Variants in RPTOR observed in about 807,000 individuals in gnomAD.
RPTOR encodes the protein regulatory associated protein of MTOR complex 1.
In RPTOR, 21 loss-of-function variants were observed where a neutral mutation model predicts 169.9. The ratio of observed to expected loss-of-function variants is 0.12; its 90% CI spans 0.09 to 0.18. The LOEUF (loss-of-function observed/expected upper bound fraction) is 0.18. Ranked by LOEUF, RPTOR falls within the 10% of genes least tolerant of loss-of-function variation. The pLI, the probability that RPTOR is intolerant of heterozygous loss-of-function variation, is 1.00. For missense variants in RPTOR, 1,133 were observed against 1,855.9 expected (o/e 0.61, Z 7.16); for synonymous variants, 732 against 753.2 (o/e 0.97, Z 0.46).
At chr17:80,781,353 C>T (rs1027481286) in intron 6 of RPTOR, among the ~76,000 whole-genome samples, 2 of 152,200 alleles carry the variant, frequency 1.3e-5, no homozygotes, top group African/African-American at 4.8e-5. Flanking sequence ...AGGGTCAGCT[C>T]GTGGCTGCCA....
chr17:80,964,358 G>A lies in RPTOR; in HGVS notation c.*28G>A, dbSNP rs766540360. The stretch of plus-strand genomic sequence containing the variant: ...GCGTGACCCGGGCCCACCAGGCCAC[G>A]GCCGCCTGCTGTACATAGTGAAGCT... On this transcript the variant is annotated 3_prime_UTR_variant, in exon 34 of 34. Transcript: ENST00000306801. 2.4e-5 allele frequency: 39 copies of A among 1,600,718 alleles called. No individual in the cohort carries two copies. The highest frequency in any genetic ancestry group is 1.3e-4 in the African/African-American group (10 of 74,882).
intron 3 of RPTOR, among the ~76,000 whole-genome samples, chr17:80,683,344 A>G (rs1434955413): frequency 1.3e-5 from 2 of 152,312 alleles, no homozygotes; most frequent in East Asian, 1.9e-4. Context: ...AGGGCTGCAG[A>G]AGTGATACTG....
intron 3 of RPTOR, among the ~76,000 whole-genome samples, chr17:80,689,741 CAT>C (rs2065975430): frequency 6.6e-6 from 1 of 152,156 alleles, no homozygotes; most frequent in East Asian, 1.9e-4. Context: ...GCGTATGAAA[CAT>C]ATTTTTCTTT....
intron 5 of RPTOR, among the ~76,000 whole-genome samples, chr17:80,748,531 C>T (rs1330543406): frequency 6.2e-5 from 7 of 112,526 alleles, no homozygotes; most frequent in Admixed American, 1.7e-4. Flanking sequence ...GTTTAGAGGC[C>T]ATGGCGGGAG....
At chr17:80,641,453 C>G (rs2065553330) in intron 2 of RPTOR, among the ~76,000 whole-genome samples, 1 of 152,192 alleles carries the variant, frequency 6.6e-6, no homozygotes, top group South Asian at 2.1e-4. Flanking sequence ...TTATTAACGT[C>G]ATGATTTTTA....
At chr17:80,712,362 ATCT>A (rs1251429482) in intron 4 of RPTOR, among the ~76,000 whole-genome samples, 2 of 151,906 alleles carry the variant, frequency 1.3e-5, no homozygotes, top group East Asian at 3.9e-4. Flanking sequence ...GCGCCCCCTC[ATCT>A]TCTCTCCCCT....
At chr17:80,588,631 T>A (rs2065081428) in intron 1 of RPTOR, among the ~76,000 whole-genome samples, 1 of 152,236 alleles carries the variant, frequency 6.6e-6, no homozygotes, top group African/African-American at 2.4e-5. Flanking sequence ...AAGTTCTGTT[T>A]TTCATTTTCA....
chr17:80,771,680 G>A (rs1380380769), intron 6 of RPTOR, among the ~76,000 whole-genome samples: 14 of 150,052 alleles, frequency 9.3e-5, no homozygotes. Flanking sequence ...AGGAAACCCT[G>A]CTGCCTCCAT....
At chr17:80,642,398 G>A (rs953220226) in intron 2 of RPTOR, among the ~76,000 whole-genome samples, 3 of 151,020 alleles carry the variant, frequency 2.0e-5, no homozygotes, top group African/African-American at 4.9e-5. Flanking sequence ...CTAGGATTAC[G>A]GTGGTGAGCC....
intron 3 of RPTOR, among the ~76,000 whole-genome samples, chr17:80,678,001 A>G (rs1598213978): frequency 6.6e-6 from 1 of 152,324 alleles, no homozygotes; most frequent in South Asian, 2.1e-4. Flanking sequence ...CTCCAGAATA[A>G]TGTAGAAGAA....
chr17:80,743,851 G>GCA (rs2066519724), intron 5 of RPTOR, among the ~76,000 whole-genome samples: 2 of 120,364 alleles, frequency 1.7e-5, no homozygotes, highest in African/African-American at 6.7e-5. Context: ...CTGGTTACTA[G>GCA]CAGAGCCCTG....
At position 80,562,849 on chromosome 17, in the gene RPTOR, T is replaced by C. The variant is rs1006886323; in HGVS notation, c.162+17058T>C. 1.3e-5 allele frequency among the ~76,000 whole-genome samples: 2 copies of C among 152,244 alleles called. No individual in the cohort carries two copies. Among genetic ancestry groups the C allele is most frequent in the Non-Finnish European group, 2.9e-5 (2 of 68,046 alleles). ...TAAAGATATATCAAAACAAAAGTAC[T>C]GTGAAAAAGTTAAATCAGATTTTTC... On this transcript the variant is annotated intron_variant, in intron 1 of 33. Transcript: ENST00000306801. This position sits in a 1 kb window ranked among gnomAD's most constrained non-coding sequence, Gnocchi z 4.4.
intron 4 of RPTOR, among the ~76,000 whole-genome samples, chr17:80,710,050 C>CAT (rs931707535): frequency 2.6e-5 from 4 of 151,558 alleles, no homozygotes; most frequent in African/African-American, 9.7e-5. Flanking sequence ...GATCATGGCT[C>CAT]ACTGCAAACT....
At chr17:80,587,412 G>C (rs1486095297) in intron 1 of RPTOR, among the ~76,000 whole-genome samples, 3 of 152,222 alleles carry the variant, frequency 2.0e-5, no homozygotes, top group Admixed American at 6.5e-5. Flanking sequence ...GAACACTTGG[G>C]TTGCCCAGTG....
intron 1 of RPTOR, among the ~76,000 whole-genome samples, chr17:80,610,340 T>A (rs1735953099): frequency 6.6e-6 from 1 of 152,184 alleles, no homozygotes; most frequent in African/African-American, 2.4e-5. Flanking sequence ...CACGTCTGAA[T>A]TGTGTTCATG....
chr17:80,704,801 A>G (rs1424978858), intron 3 of RPTOR, among the ~76,000 whole-genome samples: 1 of 152,238 alleles, frequency 6.6e-6, no homozygotes, highest in Non-Finnish European at 1.5e-5. Flanking sequence ...GTTTACCACC[A>G]CAGAATTTAC....
intron 6 of RPTOR, among the ~76,000 whole-genome samples, chr17:80,777,496 C>A (rs932248755): frequency 6.6e-6 from 1 of 151,896 alleles, no homozygotes; most frequent in African/African-American, 2.4e-5. Context: ...TTGCATCTCC[C>A]TAACGACTAA....
chr17:80,934,564 G>A (rs2068934080), intron 24 of RPTOR, among the ~76,000 whole-genome samples: 1 of 152,150 alleles, frequency 6.6e-6, no homozygotes, highest in Admixed American at 6.5e-5. Flanking sequence ...TCGCTATGTT[G>A]CTCAGACTGG....
chr17:80,779,890 G>A (rs1467525800), intron 6 of RPTOR, among the ~76,000 whole-genome samples: 1 of 152,178 alleles, frequency 6.6e-6, no homozygotes, highest in Non-Finnish European at 1.5e-5. Context: ...CCAGGAGTGA[G>A]CTCCGTTCTC....
Sources: allele counts gnomAD v4.1 joint callset (sites outside exome capture counted in the v4.1 genomes callset), GRCh38; gene constraint gnomAD v4.1.1; non-coding constraint Gnocchi (gnomAD v3.1); transcripts MANE v1.5; gene names NCBI Gene and HGNC (gene_info 2026-07-23, HGNC 2026-07-21).